Variants in MAST4 observed in about 807,000 individuals in gnomAD.
The protein encoded by MAST4 is microtubule associated serine/threonine kinase family member 4, also known as microtubule-associated serine/threonine-protein kinase 4.
In MAST4, 89 loss-of-function variants were observed where a neutral mutation model predicts 162.7. The ratio of observed to expected loss-of-function variants is 0.55; its 90% CI spans 0.46 to 0.65. MAST4 has a LOEUF of 0.65. Ranked by LOEUF, MAST4 falls within the 30% of genes least tolerant of loss-of-function variation. The pLI is 0.00. For missense variants in MAST4, 3,153 were observed against 3,374.0 expected, an observed-to-expected ratio of 0.93 and a Z score of 1.62; for synonymous variants, 1,479 against 1,361.1, an observed-to-expected ratio of 1.09 and a Z score of -1.91.
Position 67,152,809 on chromosome 5 carries a change from A to C in MAST4, c.3468A>C (p.Arg1156=). Residue 1156 remains arginine (R), a synonymous_variant, in exon 25 of 29, where the codon CGA becomes CGC. Coordinates refer to ENST00000403625, the MANE Select transcript of MAST4 (RefSeq NM_001164664.2). ...GGAAGAACTACGGCTTTACCATCCGAGCCATCCGGGTGTATGTGGGAGACA... is the reference window on the plus strand; with the variant it reads ...GGAAGAACTACGGCTTTACCATCCGCGCCATCCGGGTGTATGTGGGAGACA... ...SSGKNYGFTI[R]AIRVYVGDSD... 6.2e-7 allele frequency: 1 copy of C among 1,614,014 alleles called. No homozygotes were observed.
chr5:67,164,093 G>T lies in MAST4; in HGVS notation c.4914G>T (p.Arg1638=), dbSNP rs759273322. 6.4e-7 allele frequency: 1 copy of T among 1,573,148 alleles called. No individual in the cohort carries two copies. The change falls in exon 29 of 29, where the codon CGG becomes CGT. Residue 1638 remains arginine (R), a synonymous_variant. Coordinates refer to ENST00000403625, the MANE Select transcript of MAST4 (RefSeq NM_001164664.2). The surrounding 1 kb of genome is among the most constrained non-coding windows in gnomAD (Gnocchi z 5.3). ...EHRQGGGDFR[R]APAPGTLQDG... Reference sequence around the variant, plus strand: ...GCCAGGGTGGCGGGGACTTCAGACGGGCCCCCGCTCCTGGCACCCTCCAGG... The same window carrying T: ...GCCAGGGTGGCGGGGACTTCAGACGTGCCCCCGCTCCTGGCACCCTCCAGG...
intron 3 of MAST4, among the ~76,000 whole-genome samples, chr5:66,885,926 G>C (rs1452114929): frequency 6.6e-6 from 1 of 152,172 alleles, no homozygotes; most frequent in Non-Finnish European, 1.5e-5. Flanking sequence ...AGTGCTCAGT[G>C]TGTGCCAGTT....
intron 3 of MAST4, among the ~76,000 whole-genome samples, chr5:66,805,862 G>A (rs772741953): frequency 2.0e-5 from 3 of 152,170 alleles, no homozygotes; most frequent in Non-Finnish European, 2.9e-5. Flanking sequence ...ATCTTCTTTC[G>A]ACGTGGAAGT....
At chr5:66,930,700 T>C in intron 4 of MAST4, 1 of 470,706 alleles carries the variant, frequency 2.1e-6, no homozygotes, top group Non-Finnish European at 4.4e-6. Context: ...AGCAGGAAAG[T>C]AAAGAGCTGC....
At chr5:66,685,321 A>G (rs188750178) in intron 1 of MAST4, among the ~76,000 whole-genome samples, 1 of 143,700 alleles carries the variant, frequency 7.0e-6, no homozygotes, top group East Asian at 2.0e-4. Flanking sequence ...CACCCCAAAA[A>G]CCCCCAAAAA....
At chr5:67,061,655 C>A (rs543387352) in intron 5 of MAST4, among the ~76,000 whole-genome samples, 2 of 151,818 alleles carry the variant, frequency 1.3e-5, no homozygotes, top group Admixed American at 1.3e-4. Flanking sequence ...GCTTTTTTGA[C>A]AAGACTGGTC....
chr5:66,750,656 G>A lies in MAST4; in HGVS notation c.364-9053G>A, dbSNP rs749349172. On this transcript the variant is annotated intron_variant, in intron 1 of 28. Coordinates refer to ENST00000403625, the MANE Select transcript of MAST4 (RefSeq NM_001164664.2). Reference sequence around the variant, plus strand: ...GCTCTGAGGGTCCTACGCCCACGGAGTCTCCCTGATTGCTAGCACAGCAGT... The same window carrying A: ...GCTCTGAGGGTCCTACGCCCACGGAATCTCCCTGATTGCTAGCACAGCAGT... 8.4e-4 allele frequency among the ~76,000 whole-genome samples: 128 copies of A among 152,352 alleles called. 1 individual carries two copies. The highest frequency in any genetic ancestry group is 3.3e-3 in the South Asian group (16 of 4,826).
chr5:66,958,690 A>T (rs1000362997), intron 4 of MAST4, among the ~76,000 whole-genome samples: 1 of 152,194 alleles, frequency 6.6e-6, no homozygotes, highest in African/African-American at 2.4e-5. Context: ...AATTATTTTT[A>T]TGTGGCACTA....
intron 4 of MAST4, among the ~76,000 whole-genome samples, chr5:67,047,905 A>G (rs769272673): frequency 1.5e-4 from 23 of 152,288 alleles, no homozygotes; most frequent in Middle Eastern, 3.4e-3. Context: ...ACCTTGTGCT[A>G]TTCAGAAAAA....
chr5:66,919,746 AC>A (rs780498296), intron 4 of MAST4, among the ~76,000 whole-genome samples: 21 of 151,976 alleles, frequency 1.4e-4, no homozygotes, highest in Admixed American at 3.3e-4. Flanking sequence ...CACTTTATTT[AC>A]CCTGATTTTG....
At chr5:66,892,288 C>G (rs745790092) in intron 3 of MAST4, among the ~76,000 whole-genome samples, 3 of 152,146 alleles carry the variant, frequency 2.0e-5, no homozygotes, top group Non-Finnish European at 4.4e-5. Flanking sequence ...AGTCCTGACC[C>G]TCCTCAGAGA....
intron 21 of MAST4, among the ~76,000 whole-genome samples, chr5:67,143,625 T>C (rs1179166440): frequency 6.6e-6 from 1 of 152,204 alleles, no homozygotes; most frequent in Non-Finnish European, 1.5e-5. Context: ...TTTTTCTAAA[T>C]GATTACCTAG....
intron 4 of MAST4, among the ~76,000 whole-genome samples, chr5:66,909,863 A>G (rs1157566468): frequency 6.6e-6 from 1 of 152,196 alleles, no homozygotes; most frequent in Admixed American, 6.5e-5. Flanking sequence ...ACAAGATCTA[A>G]TGGTTTTATA....
intron 3 of MAST4, among the ~76,000 whole-genome samples, chr5:66,883,072 A>G (rs1014168925): frequency 6.6e-6 from 1 of 152,246 alleles, no homozygotes; most frequent in Non-Finnish European, 1.5e-5. Context: ...CTAAGGACAT[A>G]AATAAACCTT....
intron 4 of MAST4, among the ~76,000 whole-genome samples, chr5:66,950,368 G>A (rs901685273): frequency 1.3e-5 from 2 of 151,758 alleles, no homozygotes; most frequent in Non-Finnish European, 2.9e-5. Context: ...CATGCATCTC[G>A]AGAACTTTTT....
At chr5:67,067,779 G>A (rs879325029) in intron 5 of MAST4, among the ~76,000 whole-genome samples, 2 of 152,180 alleles carry the variant, frequency 1.3e-5, no homozygotes, top group Non-Finnish European at 2.9e-5. Flanking sequence ...TTCCAGAGAG[G>A]CTGCCTCAGT....
chr5:66,689,741 C>G (rs1161949681), intron 1 of MAST4, among the ~76,000 whole-genome samples: 1 of 152,156 alleles, frequency 6.6e-6, no homozygotes, highest in Non-Finnish European at 1.5e-5. Flanking sequence ...CTCAGCATTT[C>G]TGATTAAACC....
chr5:67,135,979 T>C (rs1769590601), intron 18 of MAST4, among the ~76,000 whole-genome samples: 1 of 152,244 alleles, frequency 6.6e-6, no homozygotes, highest in South Asian at 2.1e-4. Flanking sequence ...ATTACTATGA[T>C]TACTTTGGGT....
At chr5:66,705,274 T>C (rs1008432746) in intron 1 of MAST4, among the ~76,000 whole-genome samples, 1 of 152,234 alleles carries the variant, frequency 6.6e-6, no homozygotes, top group African/African-American at 2.4e-5. Flanking sequence ...CTTTTTTCTA[T>C]TTTTAATGGG....
Sources: allele counts gnomAD v4.1 joint callset (sites outside exome capture counted in the v4.1 genomes callset), GRCh38; gene constraint gnomAD v4.1.1; non-coding constraint Gnocchi (gnomAD v3.1); transcripts MANE v1.5; gene names NCBI Gene and HGNC (gene_info 2026-07-23, HGNC 2026-07-21).